NAV2: variants seen among roughly 807,000 people sequenced by gnomAD.
The protein encoded by NAV2 is helicase, APC down-regulated 1.
In NAV2, 54 loss-of-function variants were observed where a neutral mutation model predicts 223.2. The observed-to-expected ratio is 0.24, with a 90% CI of 0.19 to 0.30. NAV2 has a LOEUF of 0.30. Among genes scored for constraint, NAV2 ranks in the 10% least tolerant of loss-of-function variants. The pLI is 1.00. For missense variants in NAV2, 2,806 were observed against 3,147.5 expected (o/e 0.89, Z 2.60); for synonymous variants, 1,279 against 1,239.3 (o/e 1.03, Z -0.67).
intron 1 of NAV2, among the ~76,000 whole-genome samples, chr11:19,735,828 C>T (rs890610206): frequency 2.0e-5 from 3 of 151,734 alleles, no homozygotes; most frequent in African/African-American, 4.8e-5. Flanking sequence ...TTTTTTTCCC[C>T]GTGGTAAAAA....
At chr11:20,029,229 A>G (rs2055438640) in intron 11 of NAV2, among the ~76,000 whole-genome samples, 1 of 152,224 alleles carries the variant, frequency 6.6e-6, no homozygotes, top group Admixed American at 6.5e-5. Context: ...CTACTCCATT[A>G]TAAAGAAGAG....
chr11:19,609,451 A>C (rs1003748624), intron 1 of NAV2, among the ~76,000 whole-genome samples: 1 of 152,174 alleles, frequency 6.6e-6, no homozygotes, highest in Non-Finnish European at 1.5e-5. Context: ...AGAGGTAGAG[A>C]GGGAAGAAGA....
Position 19,731,131 on chromosome 11 carries a change from A to G in NAV2, c.267+17169A>G, listed in dbSNP as rs376211019. On this transcript the variant is annotated intron_variant, in intron 1 of 37. Coordinates refer to ENST00000349880, the MANE Select transcript of NAV2 (RefSeq NM_145117.5). The stretch of plus-strand genomic sequence containing the variant: ...TGATGGATACCCATGTGGGGTTACT[A>G]GGACTTAGTTAGGTTTTCCTTTATG... 3.9e-4 allele frequency among the ~76,000 whole-genome samples: 59 copies of G among 152,298 alleles called. 1 individual carries two copies. In the South Asian group the frequency reaches 0.012, roughly 32 times the overall value.
At chr11:19,967,101 A>T (rs995702910) in intron 10 of NAV2, among the ~76,000 whole-genome samples, 3 of 152,156 alleles carry the variant, frequency 2.0e-5, no homozygotes, top group Admixed American at 6.6e-5. Flanking sequence ...CATCTTACAG[A>T]TGTGGAAACT....
intron 1 of NAV2, among the ~76,000 whole-genome samples, chr11:19,627,753 A>G (rs2047211950): frequency 1.3e-5 from 2 of 151,930 alleles, no homozygotes; most frequent in Non-Finnish European, 1.5e-5. Flanking sequence ...CCATCTATGC[A>G]CTGACGGTGA....
chr11:19,773,348 C>G (rs1173746639), intron 1 of NAV2, among the ~76,000 whole-genome samples: 1 of 152,178 alleles, frequency 6.6e-6, no homozygotes, highest in Non-Finnish European at 1.5e-5. Flanking sequence ...GTCAGCCCCA[C>G]CAGGGGCTCC....
At chr11:19,924,109 T>G (rs981375268) in intron 6 of NAV2, among the ~76,000 whole-genome samples, 24 of 152,136 alleles carry the variant, frequency 1.6e-4, no homozygotes, top group African/African-American at 5.6e-4. Flanking sequence ...TTTAAGAATT[T>G]ATTCTCTTTT....
At position 19,359,865 on chromosome 11, in the gene NAV2, T is replaced by A. The variant is rs1853831789; in HGVS notation, c.75+8838T>A. Among the ~76,000 whole-genome samples the A allele has an allele frequency of 2.6e-5, 4 of 152,208 alleles. No individual in the cohort carries two copies. The South Asian group carries it at 8.3e-4, about 32-fold the overall frequency. Reference sequence around the variant, plus strand: ...TGCCTGTCTTGGTTCAGCAGGTCCTTTCTCTCCTTCCCAATACTCTTCCTC... The same window carrying A: ...TGCCTGTCTTGGTTCAGCAGGTCCTATCTCTCCTTCCCAATACTCTTCCTC... On this transcript the variant is annotated intron_variant, in intron 1 of 37. Transcript: ENST00000360655.
At chr11:20,006,716 G>GTGGCACATGCCTGCC (rs2053112060) in intron 11 of NAV2, among the ~76,000 whole-genome samples, 1 of 150,954 alleles carries the variant, frequency 6.6e-6, no homozygotes, top group Non-Finnish European at 1.5e-5. Flanking sequence ...GCCAGGCATA[G>GTGGCACATGCCTGCC]TGGCACATGC....
At chr11:19,364,336 C>T (rs1030625583) in intron 1 of NAV2, among the ~76,000 whole-genome samples, 2 of 152,162 alleles carry the variant, frequency 1.3e-5, no homozygotes, top group African/African-American at 2.4e-5. Context: ...TCACAGAAGC[C>T]GTAGCTGGTT....
chr11:19,589,614 G>T (rs962718366), intron 1 of NAV2, among the ~76,000 whole-genome samples: 1 of 152,218 alleles, frequency 6.6e-6, no homozygotes, highest in Non-Finnish European at 1.5e-5. Flanking sequence ...GGTGAGCCTG[G>T]ATAGACAGCA....
chr11:19,587,282 T>G (rs1299082230), intron 1 of NAV2, among the ~76,000 whole-genome samples: 1 of 152,194 alleles, frequency 6.6e-6, no homozygotes, highest in African/African-American at 2.4e-5. Context: ...CTGTCACCCC[T>G]TTCTTTGACT....
chr11:20,065,924 G>A (rs1308903223), intron 20 of NAV2, among the ~76,000 whole-genome samples: 1 of 152,190 alleles, frequency 6.6e-6, no homozygotes, highest in Non-Finnish European at 1.5e-5. Flanking sequence ...TAGTAAAAGT[G>A]CAGGAGAATA....
At chr11:20,098,672 G>C (rs924709656) in intron 31 of NAV2, among the ~76,000 whole-genome samples, 3 of 152,242 alleles carry the variant, frequency 2.0e-5, no homozygotes, top group Non-Finnish European at 4.4e-5. Flanking sequence ...CAGGTGGCAA[G>C]TGGTACATAT....
intron 32 of NAV2, among the ~76,000 whole-genome samples, chr11:20,101,576 C>G (rs1355673965): frequency 6.6e-6 from 1 of 152,148 alleles, no homozygotes; most frequent in Non-Finnish European, 1.5e-5. Context: ...CCAGCAAACA[C>G]CTTCTCACAG....
chr11:19,633,696 G>A (rs534598312), intron 1 of NAV2, among the ~76,000 whole-genome samples: 3 of 152,230 alleles, frequency 2.0e-5, no homozygotes, highest in Admixed American at 1.3e-4. Context: ...CTCAGGCTGG[G>A]ACTGATGCGC....
intron 1 of NAV2, among the ~76,000 whole-genome samples, chr11:19,652,316 G>A (rs1210798877): frequency 6.6e-6 from 1 of 152,134 alleles, no homozygotes; most frequent in Non-Finnish European, 1.5e-5. Context: ...GACATGCAGG[G>A]TGGGTTCTTG....
intron 30 of NAV2, 89 bp from the exon 31 acceptor site, chr11:20,097,488 T>C (rs2061358348): frequency 9.3e-7 from 1 of 1,069,522 alleles, no homozygotes. Context: ...AAGAAGAGAA[T>C]ATGATCATAA....
intron 1 of NAV2, among the ~76,000 whole-genome samples, chr11:19,753,359 T>C (rs1834322): frequency 0.98 from 148,765 of 152,166 alleles, 72,813 homozygotes; most frequent in East Asian, 1. Flanking sequence ...AGATTTTTTC[T>C]TACCACCCCC....
Sources: allele counts gnomAD v4.1 joint callset (sites outside exome capture counted in the v4.1 genomes callset), GRCh38; gene constraint gnomAD v4.1.1; transcripts MANE v1.5; gene names NCBI Gene and HGNC (gene_info 2026-07-23, HGNC 2026-07-21).